Variants in SIPA1L1 observed in about 807,000 individuals in gnomAD.
SIPA1L1 encodes signal-induced proliferation-associated 1-like protein 1.
A neutral mutation model predicts 162.7 loss-of-function variants in SIPA1L1; 26 were observed. The observed-to-expected ratio is 0.16, with a 90% CI of 0.12 to 0.22. The LOEUF (loss-of-function observed/expected upper bound fraction) is 0.22. SIPA1L1 is among the 10% of genes least tolerant of loss of function. The pLI is 1.00. For missense variants in SIPA1L1, 1,874 were observed against 2,241.0 expected, an observed-to-expected ratio of 0.84 and a Z score of 3.31; for synonymous variants, 829 against 837.4, an observed-to-expected ratio of 0.99 and a Z score of 0.17.
At chr14:71,435,187 A>T (rs1313524682) in intron 2 of SIPA1L1, among the ~76,000 whole-genome samples, 3 of 151,192 alleles carry the variant, frequency 2.0e-5, no homozygotes, top group Non-Finnish European at 4.4e-5. Flanking sequence ...CTTTTTTTTT[A>T]AATTATACTT....
chr14:71,606,337 GTGGCCCAT>G (rs1174154092), intron 5 of SIPA1L1, among the ~76,000 whole-genome samples: 2 of 152,138 alleles, frequency 1.3e-5, no homozygotes, highest in Non-Finnish European at 2.9e-5. Context: ...TTGCTGCCAG[GTGGCCCAT>G]GCTTCAGCCC....
chr14:71,360,152 G>A (rs1370708477), intron 2 of SIPA1L1, among the ~76,000 whole-genome samples: 2 of 152,270 alleles, frequency 1.3e-5, no homozygotes, highest in African/African-American at 2.4e-5. Flanking sequence ...GAGACAAAGC[G>A]ATAACATTTA....
chr14:71,587,257 G>A (rs556176655), intron 4 of SIPA1L1, among the ~76,000 whole-genome samples: 1 of 152,248 alleles, frequency 6.6e-6, no homozygotes, highest in African/African-American at 2.4e-5. Context: ...TGGAGCAAAA[G>A]TCTGTACTTT....
intron 2 of SIPA1L1, among the ~76,000 whole-genome samples, chr14:71,452,302 T>C (rs569105313): frequency 1.4e-4 from 21 of 152,304 alleles, no homozygotes; most frequent in African/African-American, 5.1e-4. Context: ...TAATATAATA[T>C]GTACTCTTTG....
intron 2 of SIPA1L1, among the ~76,000 whole-genome samples, chr14:71,482,142 G>A (rs371008621): frequency 1.1e-3 from 171 of 152,252 alleles, no homozygotes; most frequent in African/African-American, 3.9e-3. Flanking sequence ...AGGTTATGCC[G>A]TGTCATCCTC....
chr14:71,527,094 A>G (rs999084908), intron 3 of SIPA1L1, among the ~76,000 whole-genome samples: 1 of 152,188 alleles, frequency 6.6e-6, no homozygotes, highest in Admixed American at 6.5e-5. Context: ...ATGGTGATGC[A>G]TGAAGTTGAA....
intron 2 of SIPA1L1, among the ~76,000 whole-genome samples, chr14:71,444,251 G>A (rs1013159381): frequency 1.3e-5 from 2 of 152,128 alleles, no homozygotes; most frequent in Non-Finnish European, 2.9e-5. Flanking sequence ...TGCTCAGAGC[G>A]TTTACAAATA....
intron 4 of SIPA1L1, among the ~76,000 whole-genome samples, chr14:71,540,836 ATT>A (rs2054313587): frequency 6.7e-6 from 1 of 148,530 alleles, no homozygotes; most frequent in East Asian, 3.1e-4. Context: ...ATCAGAACTT[ATT>A]CATGCTGGCT....
intron 2 of SIPA1L1, among the ~76,000 whole-genome samples, chr14:71,330,970 T>A (rs1566895855): frequency 6.6e-6 from 1 of 152,266 alleles, no homozygotes; most frequent in Non-Finnish European, 1.5e-5. Context: ...ATCTAAGAAG[T>A]AACTGCCAAG....
intron 17 of SIPA1L1, among the ~76,000 whole-genome samples, chr14:71,720,004 T>G (rs1359570237): frequency 2.0e-5 from 3 of 152,232 alleles, no homozygotes; most frequent in South Asian, 4.1e-4. Context: ...CCAGGAAGTT[T>G]GCTGCCAGAT....
intron 4 of SIPA1L1, among the ~76,000 whole-genome samples, chr14:71,575,880 GAA>G (rs1461716057): frequency 6.6e-6 from 1 of 152,208 alleles, no homozygotes; most frequent in Non-Finnish European, 1.5e-5. Flanking sequence ...CTTCAAGAGA[GAA>G]AGATGAAGCT....
In SIPA1L1 at chr14:71,571,628, GTTTA is replaced by G. The variant is rs374571269; in HGVS notation, c.-302-15915_-302-15912del. Among the ~76,000 whole-genome samples, 266 of 151,104 alleles carry G rather than the reference GTTTA, an allele frequency of 1.8e-3. 2 individuals are homozygous for G. The highest frequency in any genetic ancestry group is 6.8e-3 in the Middle Eastern group (2 of 292). On this transcript the variant is annotated intron_variant, in intron 4 of 23. Transcript: ENST00000381232. Reference sequence around the variant, plus strand: ...ACAACAGAATACCTGAAACTGGATGGTTTATTTATTTATTTATTTATTTATTTAT... The same window carrying G: ...ACAACAGAATACCTGAAACTGGATGGTTTATTTATTTATTTATTTATTTAT...
At chr14:71,577,043 A>T (rs992435747) in intron 4 of SIPA1L1, among the ~76,000 whole-genome samples, 4 of 141,342 alleles carry the variant, frequency 2.8e-5, no homozygotes, top group Non-Finnish European at 4.5e-5. Context: ...AGATCATGCT[A>T]TTGCACTCCA....
intron 8 of SIPA1L1, among the ~76,000 whole-genome samples, chr14:71,651,821 C>CAT (rs1362511272): frequency 6.6e-6 from 1 of 152,166 alleles, no homozygotes; most frequent in Non-Finnish European, 1.5e-5. Context: ...AGCAACATGA[C>CAT]ATGTAGTAAG....
intron 2 of SIPA1L1, among the ~76,000 whole-genome samples, chr14:71,322,398 C>T (rs976082360): frequency 6.6e-6 from 1 of 152,136 alleles, no homozygotes; most frequent in Admixed American, 6.5e-5. Flanking sequence ...TCTATATAAT[C>T]CTGATTTAAC....
intron 2 of SIPA1L1, among the ~76,000 whole-genome samples, chr14:71,371,357 A>T (rs1003911945): frequency 1.3e-5 from 2 of 152,136 alleles, no homozygotes; most frequent in Non-Finnish European, 2.9e-5. Context: ...TCTACTGATG[A>T]AAGTAACAGA....
At chr14:71,605,846 G>A (rs768215131) in intron 5 of SIPA1L1, among the ~76,000 whole-genome samples, 73 of 152,212 alleles carry the variant, frequency 4.8e-4, no homozygotes, top group Non-Finnish European at 7.6e-4. Context: ...GTTAATTCTG[G>A]GGCTACAGGT....
chr14:71,617,810 A>G (rs1434743292), intron 5 of SIPA1L1, among the ~76,000 whole-genome samples: 1 of 152,266 alleles, frequency 6.6e-6, no homozygotes, highest in Non-Finnish European at 1.5e-5. Flanking sequence ...AATGAAATAC[A>G]GTAATGTAAA....
chr14:71,548,116 T>C (rs2055416806), intron 4 of SIPA1L1, among the ~76,000 whole-genome samples: 1 of 152,254 alleles, frequency 6.6e-6, no homozygotes, highest in African/African-American at 2.4e-5. Flanking sequence ...GTAATGGTTA[T>C]GTGAGGCATT....
Sources: allele counts gnomAD v4.1 joint callset (sites outside exome capture counted in the v4.1 genomes callset), GRCh38; gene constraint gnomAD v4.1.1; transcripts MANE v1.5; gene names NCBI Gene and HGNC (gene_info 2026-07-23, HGNC 2026-07-21).